The following ZGRF1 variants were observed in gnomAD, a reference collection of about 807,000 sequenced individuals.
The protein encoded by ZGRF1 is zinc finger GRF-type containing 1.
A neutral mutation model predicts 203.5 loss-of-function variants in ZGRF1; 196 were observed. That is an observed-to-expected ratio of 0.96 (90% CI 0.86 to 1.08). The LOEUF is 1.08. Ranked by LOEUF, ZGRF1 falls within the 50% of genes least tolerant of loss-of-function variation. The probability of loss-of-function intolerance (pLI) is 0.00; values close to 1 mark genes in which losing one functional copy is unlikely to be tolerated. For missense variants in ZGRF1, 2,326 were observed against 2,416.3 expected, an observed-to-expected ratio of 0.96 and a Z score of 0.78; for synonymous variants, 809 against 841.3, an observed-to-expected ratio of 0.96 and a Z score of 0.66.
chr4:112,592,390 G>A (rs764973506), intron 10 of ZGRF1, among the ~76,000 whole-genome samples: 35 of 152,174 alleles, frequency 2.3e-4, no homozygotes, highest in Non-Finnish European at 4.7e-4. Flanking sequence ...CAGCCACCAC[G>A]CCAGGCCTCA....
chr4:112,601,724 T>C (rs1022160345), intron 10 of ZGRF1, among the ~76,000 whole-genome samples: 1 of 151,064 alleles, frequency 6.6e-6, no homozygotes, highest in Admixed American at 6.6e-5. Context: ...GTGACAGAGT[T>C]AAGACTCTGT....
At chr4:112,612,795 A>G (rs1364941557) in intron 6 of ZGRF1, among the ~76,000 whole-genome samples, 1 of 152,178 alleles carries the variant, frequency 6.6e-6, no homozygotes, top group Non-Finnish European at 1.5e-5. Flanking sequence ...AAAAATTTTA[A>G]AATATTTAGA....
chr4:112,602,559 G>A (rs1210913419), intron 10 of ZGRF1, among the ~76,000 whole-genome samples: 1 of 152,144 alleles, frequency 6.6e-6, no homozygotes, highest in Non-Finnish European at 1.5e-5. Flanking sequence ...AGTATGTCAC[G>A]CATGTGTGTA....
chr4:112,577,371 T>C (rs1745441718), intron 16 of ZGRF1, among the ~76,000 whole-genome samples: 2 of 122,622 alleles, frequency 1.6e-5, no homozygotes, highest in African/African-American at 5.7e-5. Flanking sequence ...CTGCATCAAC[T>C]AACGAGCAAA....
Position 112,581,752 on chromosome 4 carries a change from G to A in ZGRF1, c.4349C>T (p.Thr1450Ile), listed in dbSNP as rs778426808. ...ATTATAAAACTCAGGATTTACAGTA[G>A]TAAACTTCTTTAGTTTGCCATACTG... Reference protein sequence around the residue: ...RKQYGKLKKFTTVNPEFYNEP... With the variant: ...RKQYGKLKKFITVNPEFYNEP... Residue 1450 changes from threonine to isoleucine, a missense_variant, in exon 16 of 28, where the codon ACT becomes ATT. Coordinates refer to ENST00000505019, the MANE Select transcript of ZGRF1 (RefSeq NM_018392.5). 1.3e-6 allele frequency: 2 copies of A among 1,538,538 alleles called. No homozygotes were observed. Among genetic ancestry groups the A allele is most frequent in the South Asian group, 1.3e-5 (1 of 79,964 alleles).
At position 112,611,174 on chromosome 4, in the gene ZGRF1, G is replaced by A. The variant is rs376117333; in HGVS notation, c.2667+1350C>T. Among the ~76,000 whole-genome samples, 11 of 151,848 alleles carry A rather than the reference G, an allele frequency of 7.2e-5. No individual in the cohort carries two copies. In the East Asian group the frequency reaches 7.8e-4, roughly 11 times the overall value. ...TCCCAGCACTTTGGGAGCCTGAGGC[G>A]GGTGGATCACTTGAGGTCAGGAGTT... On this transcript the variant is annotated intron_variant, in intron 7 of 27. Transcript: ENST00000505019.
chr4:112,568,078 G>A (rs1158748191), intron 16 of ZGRF1, among the ~76,000 whole-genome samples: 1 of 151,682 alleles, frequency 6.6e-6, no homozygotes, highest in Non-Finnish European at 1.5e-5. Flanking sequence ...TTTCCCAGAA[G>A]GAAGAAAGGA....
At chr4:112,556,871 G>A (rs772533048) in intron 20 of ZGRF1, among the ~76,000 whole-genome samples, 2 of 151,996 alleles carry the variant, frequency 1.3e-5, no homozygotes, top group African/African-American at 2.4e-5. Flanking sequence ...AAAAGCTTAC[G>A]CTTAGAAATA....
At chr4:112,615,645 T>C (rs2046841902) in intron 6 of ZGRF1, among the ~76,000 whole-genome samples, 1 of 151,800 alleles carries the variant, frequency 6.6e-6, no homozygotes, top group South Asian at 2.1e-4. Context: ...TTTTTTTTTT[T>C]TTTTAAGATG....
chr4:112,572,214 A>C (rs568605487), intron 16 of ZGRF1, among the ~76,000 whole-genome samples: 2 of 152,244 alleles, frequency 1.3e-5, no homozygotes, highest in African/African-American at 4.8e-5. Context: ...ACACAAACCA[A>C]TAGAACAGAA....
At position 112,547,407 on chromosome 4, in the gene ZGRF1, A is replaced by C; in HGVS notation, c.5476T>G (p.Phe1826Val). The change falls in exon 24 of 28, where the codon TTT becomes GTT. Residue 1826 changes from phenylalanine (F) to valine (V), a missense_variant and splice_region_variant. Physicochemically the swap from Phe to Val is conservative, Grantham distance 50 (BLOSUM62 -1). Transcript: ENST00000505019. ...ACAAGAATCAGCTTTTCACACTCAA[A>C]CCTAAAACAGAATTTCAAAAATTAA... ...EPASLLPIAR[F>V]ECEKLILVGD... 6.2e-7 allele frequency: 1 copy of C among 1,602,662 alleles called. No individual in the cohort carries two copies. Among genetic ancestry groups the C allele is most frequent in the Non-Finnish European group, 8.5e-7 (1 of 1,176,660 alleles).
intron 10 of ZGRF1, among the ~76,000 whole-genome samples, chr4:112,591,359 G>A (rs949844713): frequency 6.6e-6 from 1 of 152,064 alleles, no homozygotes; most frequent in Non-Finnish European, 1.5e-5. Context: ...AAAAATAACA[G>A]TAACAGGCAG....
chr4:112,615,320 C>G (rs181309880), intron 6 of ZGRF1, among the ~76,000 whole-genome samples: 1 of 152,012 alleles, frequency 6.6e-6, no homozygotes, highest in African/African-American at 2.4e-5. Flanking sequence ...TTCTGCCTCA[C>G]GGGTTCAAGC....
intron 13 of ZGRF1, 65 bp downstream of exon 13, chr4:112,586,379 AT>A (rs1747186684): frequency 8.0e-7 from 1 of 1,254,004 alleles, no homozygotes; most frequent in African/African-American, 1.5e-5. Context: ...AATGTATTAA[AT>A]TCTCACAATT....
Position 112,540,906 on chromosome 4 carries a change from A to T in ZGRF1, c.5825T>A (p.Leu1942His), listed in dbSNP as rs537288904. 1 of 1,583,056 alleles carries T rather than the reference A, an allele frequency of 6.3e-7. No individual in the cohort carries two copies. The highest frequency in any genetic ancestry group is 1.3e-5 in the African/African-American group (1 of 74,536). ...FHNVAEATFT[L>H]KLIQSLIASG... Reference sequence around the variant, plus strand: ...TGCAATCAGTGATTGAATCAGCTTGAGTGTAAACGTAGCTTCTGCCACATT... The same window carrying T: ...TGCAATCAGTGATTGAATCAGCTTGTGTGTAAACGTAGCTTCTGCCACATT... The change falls in exon 26 of 28, where the codon CTC becomes CAC. Residue 1942 changes from leucine to histidine, a missense_variant. Transcript: ENST00000505019.
At chr4:112,565,196 G>T in intron 16 of ZGRF1, 3 of 1,563,108 alleles carry the variant, frequency 1.9e-6, no homozygotes, top group East Asian at 2.2e-5. Flanking sequence ...CCCTTCCAGC[G>T]TCTGGTGCGA....
In ZGRF1 at chr4:112,580,832, A is replaced by T. The variant is rs540282906; in HGVS notation, c.4438+831T>A. ...GGAACACTTTTACACTGTTGGTGGG[A>T]CTGTAAACTAGTTCAACCATTGTGG... On this transcript the variant is annotated intron_variant, in intron 16 of 27. Coordinates refer to ENST00000505019, the MANE Select transcript of ZGRF1 (RefSeq NM_018392.5). Among the ~76,000 whole-genome samples, 12 of 152,264 alleles carry T rather than the reference A, an allele frequency of 7.9e-5. No individual in the cohort carries two copies. The East Asian group carries it at 2.1e-3, about 27-fold the overall frequency.
At chr4:112,575,353 T>A (rs1203514285) in intron 16 of ZGRF1, among the ~76,000 whole-genome samples, 1 of 152,100 alleles carries the variant, frequency 6.6e-6, no homozygotes, top group Non-Finnish European at 1.5e-5. Context: ...GCGTGAGCAA[T>A]GCAGAAGACG....
intron 19 of ZGRF1, among the ~76,000 whole-genome samples, chr4:112,560,496 T>C (rs1409464785): frequency 6.6e-6 from 1 of 152,218 alleles, no homozygotes; most frequent in African/African-American, 2.4e-5. Flanking sequence ...TCAATCTGGA[T>C]ACTTTGACCA....
Sources: gnomAD v4.1 joint callset for allele counts (sites outside exome capture counted in the v4.1 genomes callset) on GRCh38, gnomAD v4.1.1 for gene constraint, MANE v1.5 for transcripts, NCBI Gene and HGNC (gene_info 2026-07-23, HGNC 2026-07-21) for gene names.